The following TP73 variants were observed in gnomAD, a reference collection of about 807,000 sequenced individuals.
The protein encoded by TP73 is p53-like transcription factor.
Under a neutral mutation model 62.5 loss-of-function variants are expected in TP73, and 25 were observed. The ratio of observed to expected loss-of-function variants is 0.40; its 90% CI spans 0.29 to 0.56. The LOEUF is 0.56. Among genes scored for constraint, TP73 ranks in the 20% least tolerant of loss-of-function variants. The pLI, the probability that TP73 is intolerant of heterozygous loss-of-function variation, is 0.46. For synonymous variants in TP73, 423 were observed against 377.5 expected, an observed-to-expected ratio of 1.12 and a Z score of -1.40; for missense variants, 754 against 913.3, an observed-to-expected ratio of 0.83 and a Z score of 2.25.
intron 4 of TP73, among the ~76,000 whole-genome samples, chr1:3,713,787 C>T (rs1266975639): frequency 6.6e-6 from 1 of 152,142 alleles, no homozygotes; most frequent in African/African-American, 2.4e-5. Flanking sequence ...AGGCGGACAG[C>T]GTGAGGCTCA....
At chr1:3,713,498 G>A (rs531653537) in intron 4 of TP73, among the ~76,000 whole-genome samples, 5 of 152,202 alleles carry the variant, frequency 3.3e-5, no homozygotes, top group Non-Finnish European at 1.5e-5. Flanking sequence ...GGGGCAAGGT[G>A]GGGGGCTCAG....
In TP73 at chr1:3,699,370, A is replaced by G. The variant is rs574534736; in HGVS notation, c.187-8179A>G. Among the ~76,000 whole-genome samples the G allele has an allele frequency of 4.6e-5, 7 of 152,270 alleles. No homozygotes were observed. In the South Asian group the frequency reaches 1.2e-3, roughly 27 times the overall value. On this transcript the variant is annotated intron_variant, in intron 3 of 13. Transcript: ENST00000378295. The surrounding 1 kb of genome is among the most constrained non-coding windows in gnomAD (Gnocchi z 4.1). The stretch of plus-strand genomic sequence containing the variant: ...GAGTTTGAGGAGCGGCATACTCTCA[A>G]AAAACCACAACAGTCTGGTCTCAAT...
chr1:3,700,653 C>T (rs563177505), intron 3 of TP73, among the ~76,000 whole-genome samples: 130 of 152,098 alleles, frequency 8.5e-4, no homozygotes, highest in African/African-American at 2.7e-3. Flanking sequence ...CAAAAATTAG[C>T]GTCTGTAATC....
At chr1:3,724,015 C>T (rs866117551) in intron 6 of TP73, among the ~76,000 whole-genome samples, 3 of 150,256 alleles carry the variant, frequency 2.0e-5, no homozygotes, top group Non-Finnish European at 3.0e-5. Context: ...CGGGAGGCCC[C>T]GCTGGGCACC....
In TP73 at chr1:3,727,240, A is replaced by G. The variant is rs1367530150; in HGVS notation, c.842+16A>G. 1 of 1,608,484 alleles carries G rather than the reference A, an allele frequency of 6.2e-7. No homozygotes were observed. Among genetic ancestry groups the G allele is most frequent in the East Asian group, 2.2e-5 (1 of 44,844 alleles). On this transcript the variant is annotated intron_variant, in intron 7 of 13. Transcript: ENST00000378295. The stretch of plus-strand genomic sequence containing the variant: ...AGATGCGGGAGTGAGTCCCGGGCAC[A>G]CGGGGTGGAGGTGGGACAGGGCTGG...
At position 3,731,489 on chromosome 1, in the gene TP73, A is replaced by G; in HGVS notation, c.1511A>G (p.Asn504Ser). The G allele has an allele frequency of 6.2e-7, 1 of 1,613,760 alleles. No homozygotes were observed. Among genetic ancestry groups the G allele is most frequent in the African/African-American group, 1.3e-5 (1 of 75,052 alleles). ...VSFLTGLGCP[N>S]CIEYFTSQGL... Reference sequence around the variant, plus strand: ...TTTTTAACAGGATTGGGGTGTCCAAACTGCATCGAGTATTTCACCTCCCAA... The same window carrying G: ...TTTTTAACAGGATTGGGGTGTCCAAGCTGCATCGAGTATTTCACCTCCCAA... Residue 504 changes from asparagine (N) to serine (S), a missense_variant, in exon 13 of 14, where the codon AAC becomes AGC. Coordinates refer to ENST00000378295, the MANE Select transcript of TP73 (RefSeq NM_005427.4).
intron 3 of TP73, among the ~76,000 whole-genome samples, chr1:3,689,498 G>A (rs746829299): frequency 3.9e-5 from 6 of 152,058 alleles, no homozygotes; most frequent in South Asian, 4.1e-4. Context: ...TCCTCAGCCC[G>A]GCCTGCTGGT....
chr1:3,699,354 G>T lies in TP73; in HGVS notation c.187-8195G>T, dbSNP rs1040350147. ...CCCACGAGAGATCAGGGAGTTTGAG[G>T]AGCGGCATACTCTCAAAAAACCACA... On this transcript the variant is annotated intron_variant, in intron 3 of 13. Coordinates refer to ENST00000378295, the MANE Select transcript of TP73 (RefSeq NM_005427.4). The surrounding 1 kb of genome is among the most constrained non-coding windows in gnomAD (Gnocchi z 4.1). 2.0e-5 allele frequency among the ~76,000 whole-genome samples: 3 copies of T among 152,096 alleles called. No homozygotes were observed. Among genetic ancestry groups the T allele is most frequent in the African/African-American group, 7.2e-5 (3 of 41,414 alleles).
chr1:3,704,622 G>C lies in TP73; in HGVS notation c.187-2927G>C, dbSNP rs3765747. 5.5e-3 allele frequency among the ~76,000 whole-genome samples: 838 copies of C among 152,350 alleles called. 22 individuals are homozygous for C. The East Asian group carries it at 0.073, about 13-fold the overall frequency. On this transcript the variant is annotated intron_variant, in intron 3 of 13. Transcript: ENST00000378295. ...ACAGTGACCTCTGAGCCCGGACAGG[G>C]CTGGTGAAGGGTCGTGTGCAGACCA...
intron 3 of TP73, among the ~76,000 whole-genome samples, chr1:3,705,727 G>T (rs1284355078): frequency 2.0e-5 from 3 of 152,242 alleles, no homozygotes; most frequent in Non-Finnish European, 4.4e-5. Flanking sequence ...GGGCTGAGCT[G>T]CCTCCACGTT....
chr1:3,657,545 C>A (rs1050548847), intron 1 of TP73, among the ~76,000 whole-genome samples: 7 of 152,230 alleles, frequency 4.6e-5, no homozygotes, highest in African/African-American at 1.7e-4. Context: ...GCATCCAACC[C>A]ACTAGAGTGG....
chr1:3,712,362 G>A (rs1267330310), intron 4 of TP73: 8 of 152,178 alleles, frequency 5.3e-5, no homozygotes, highest in African/African-American at 1.4e-4. Flanking sequence ...TCAGCGCCTC[G>A]GGGCTCGTGG....
chr1:3,665,275 C>A (rs955047796), intron 1 of TP73, among the ~76,000 whole-genome samples: 1 of 152,090 alleles, frequency 6.6e-6, no homozygotes, highest in Non-Finnish European at 1.5e-5. Flanking sequence ...TGAGGGAGGA[C>A]AGATCGAGTT....
intron 4 of TP73, among the ~76,000 whole-genome samples, chr1:3,710,733 A>T (rs1640070943): frequency 1.3e-5 from 2 of 152,132 alleles, no homozygotes; most frequent in South Asian, 4.1e-4. Context: ...GTGCATACAC[A>T]CGCATGTGCA....
chr1:3,681,646 G>C (rs1466211077), intron 1 of TP73, among the ~76,000 whole-genome samples: 3 of 152,176 alleles, frequency 2.0e-5, no homozygotes, highest in African/African-American at 7.2e-5. Context: ...AGGAGCCCCA[G>C]CTCAGAAGGC....
At chr1:3,726,419 GGT>G in intron 6 of TP73, among the ~76,000 whole-genome samples, 1 of 110,848 alleles carries the variant, frequency 9.0e-6, no homozygotes, top group African/African-American at 3.4e-5. Context: ...GGATGGATGG[GGT>G]GGGTGTTGGG....
chr1:3,723,219 G>T, intron 5 of TP73, 135 bp from the exon 6 acceptor site: 2 of 689,322 alleles, frequency 2.9e-6, no homozygotes, highest in East Asian at 2.8e-5. Context: ...CCTGGCACGG[G>T]GCTGGGTACC....
At chr1:3,715,466 T>TCAGA (rs3835399) in intron 4 of TP73, among the ~76,000 whole-genome samples, 1 of 151,934 alleles carries the variant, frequency 6.6e-6, no homozygotes, top group Non-Finnish European at 1.5e-5. Flanking sequence ...AGCTTGGGGG[T>TCAGA]CAGACAGCTA....
chr1:3,682,087 C>T (rs1286877699), intron 1 of TP73, among the ~76,000 whole-genome samples: 1 of 152,244 alleles, frequency 6.6e-6, no homozygotes, highest in African/African-American at 2.4e-5. Flanking sequence ...GGCACCCCCA[C>T]GGATGGGTCT....
Sources: allele counts gnomAD v4.1 joint callset (sites outside exome capture counted in the v4.1 genomes callset), GRCh38; gene constraint gnomAD v4.1.1; non-coding constraint Gnocchi (gnomAD v3.1); transcripts MANE v1.5; gene names NCBI Gene and HGNC (gene_info 2026-07-23, HGNC 2026-07-21).